Variants in TCTN2 observed in about 807,000 individuals in gnomAD.
TCTN2 encodes the protein tectonic-2.
In TCTN2, 66 loss-of-function variants were observed where a neutral mutation model predicts 83.4. The observed-to-expected ratio is 0.79, with a 90% CI of 0.65 to 0.97. The LOEUF is 0.97. Among genes scored for constraint, TCTN2 ranks in the 50% least tolerant of loss-of-function variants. TCTN2 has a pLI of 0.00. For synonymous variants in TCTN2, 301 were observed against 326.7 expected, an observed-to-expected ratio of 0.92 and a Z score of 0.85; for missense variants, 794 against 858.1, an observed-to-expected ratio of 0.93 and a Z score of 0.93.
At chr12:123,681,021 C>T (rs1955893259) in intron 5 of TCTN2, among the ~76,000 whole-genome samples, 1 of 151,950 alleles carries the variant, frequency 6.6e-6, no homozygotes, top group South Asian at 2.1e-4. Flanking sequence ...GTAATCCCAG[C>T]ACTTTGGGAG....
In TCTN2 at chr12:123,692,648, A is replaced by G; in HGVS notation, c.1034-10A>G. On this transcript the variant is annotated splice_polypyrimidine_tract_variant and intron_variant, in intron 8 of 17. Transcript: ENST00000303372. ...ACGCCTGTGGAAGTTAATTTATGTT[A>G]TCTCTTTAGGCATAGTTACACCAAA... 1.2e-6 allele frequency: 2 copies of G among 1,608,962 alleles called. No individual in the cohort carries two copies. The highest frequency in any genetic ancestry group is 1.7e-6 in the Non-Finnish European group (2 of 1,175,386).
chr12:123,679,698 G>A (rs1955869921), intron 5 of TCTN2, among the ~76,000 whole-genome samples: 1 of 149,628 alleles, frequency 6.7e-6, no homozygotes, highest in South Asian at 2.1e-4. Flanking sequence ...TTCCAAAACT[G>A]AGATTATGTT....
At chr12:123,705,451 G>A (rs565150427) in intron 15 of TCTN2, among the ~76,000 whole-genome samples, 13 of 152,202 alleles carry the variant, frequency 8.5e-5, no homozygotes, top group East Asian at 1.9e-4. Context: ...ATGAGCCACC[G>A]CGCCCAGCCT....
intron 5 of TCTN2, among the ~76,000 whole-genome samples, chr12:123,685,630 G>A (rs2135832329): frequency 6.6e-6 from 1 of 151,606 alleles, no homozygotes; most frequent in South Asian, 2.1e-4. Context: ...TGTTGGCCAG[G>A]CTGGTTTTGA....
intron 5 of TCTN2, among the ~76,000 whole-genome samples, chr12:123,680,352 CA>C (rs550243428): frequency 2.1e-3 from 226 of 109,042 alleles, no homozygotes; most frequent in Admixed American, 4.5e-3. Context: ...AACTCCGTTT[CA>C]AAAAAAAAAA....
intron 6 of TCTN2, among the ~76,000 whole-genome samples, chr12:123,687,618 C>T (rs1483374690): frequency 6.6e-6 from 1 of 152,076 alleles, no homozygotes; most frequent in African/African-American, 2.4e-5. Flanking sequence ...CGCCACTGCA[C>T]TCCAGCCTGG....
At chr12:123,679,157 A>C (rs1955862522) in intron 4 of TCTN2, 32 bp from the exon 5 acceptor site, 1 of 1,553,674 alleles carries the variant, frequency 6.4e-7, no homozygotes, top group Non-Finnish European at 8.9e-7. Flanking sequence ...AATGTTTCTT[A>C]GCTGAATTTT....
At chr12:123,681,262 AAAAG>A (rs367610466) in intron 5 of TCTN2, among the ~76,000 whole-genome samples, 33 of 151,750 alleles carry the variant, frequency 2.2e-4, no homozygotes, top group East Asian at 1.5e-3. Context: ...CTTTCAAAAA[AAAAG>A]AAAGAAAGAA....
Position 123,688,146 on chromosome 12 carries a change from C to G in TCTN2, c.860C>G (p.Thr287Ser). ...TACAAACAAGGAGATCCCATTATGA[C>G]TGTAAAGAAGGCATATTTTACTATT... ...FGYKQGDPIMTVKKAYFTIPQ... is the reference protein window; with the variant it reads ...FGYKQGDPIMSVKKAYFTIPQ... The change falls in exon 7 of 18, where the codon ACT (threonine) becomes AGT (serine). Residue 287 changes from threonine (T) to serine (S), a missense_variant. Thr to Ser is a moderately conservative substitution (Grantham distance 58). Transcript: ENST00000303372. The G allele has an allele frequency of 1.2e-6, 2 of 1,613,168 alleles. No homozygotes were observed. The highest frequency in any genetic ancestry group is 8.5e-7 in the Non-Finnish European group (1 of 1,179,564).
In TCTN2 at chr12:123,699,701, C is replaced by T; in HGVS notation, c.1506-3C>T. On this transcript the variant is annotated splice_polypyrimidine_tract_variant and splice_region_variant and intron_variant, in intron 13 of 17. Transcript: ENST00000303372. ...AGCTGAGAAATGTCTTACTCTCTTG[C>T]AGGGAGAATGCTGTTGAAAGACTTG... 2 of 1,611,676 alleles carry T rather than the reference C, an allele frequency of 1.2e-6. No homozygotes were observed. Among genetic ancestry groups the T allele is most frequent in the East Asian group, 2.2e-5 (1 of 44,868 alleles).
intron 7 of TCTN2, among the ~76,000 whole-genome samples, chr12:123,689,372 A>G (rs1956014929): frequency 6.6e-6 from 1 of 152,066 alleles, no homozygotes; most frequent in African/African-American, 2.4e-5. Context: ...TTTTCTGTAG[A>G]GATGGGGGTT....
At position 123,671,207 on chromosome 12, in the gene TCTN2, G is replaced by A; in HGVS notation, c.-34G>A. On this transcript the variant is annotated 5_prime_UTR_variant, in exon 1 of 18. Transcript: ENST00000303372. Reference sequence around the variant, plus strand: ...CCTTCCTGGGTTCTAATGAGGGCGCGGTTCTGCTGTGCCCGGCCCGCGAGG... The same window carrying A: ...CCTTCCTGGGTTCTAATGAGGGCGCAGTTCTGCTGTGCCCGGCCCGCGAGG... The A allele has an allele frequency of 6.3e-7, 1 of 1,597,470 alleles. No homozygotes were observed. The highest frequency in any genetic ancestry group is 1.3e-5 in the African/African-American group (1 of 74,744).
chr12:123,673,973 G>C (rs947751526), intron 4 of TCTN2, among the ~76,000 whole-genome samples, 163 bp downstream of exon 4: 1 of 152,098 alleles, frequency 6.6e-6, no homozygotes, highest in East Asian at 1.9e-4. Flanking sequence ...GTTCCAGCCA[G>C]GGTGACAGAG....
intron 7 of TCTN2, 104 bp downstream of exon 7, chr12:123,688,281 T>G: frequency 7.0e-7 from 1 of 1,435,038 alleles, no homozygotes; most frequent in Non-Finnish European, 9.4e-7. Flanking sequence ...CAGTGCCAGA[T>G]CTCGGCTCAC....
intron 5 of TCTN2, among the ~76,000 whole-genome samples, chr12:123,685,935 TGCCTAG>T (rs1211485104): frequency 1.3e-5 from 2 of 151,442 alleles, no homozygotes; most frequent in African/African-American, 4.9e-5. Context: ...CTCTCTATGT[TGCCTAG>T]GCTGGTCTCA....
At chr12:123,698,451 T>G (rs919923379) in intron 13 of TCTN2, among the ~76,000 whole-genome samples, 6 of 152,098 alleles carry the variant, frequency 3.9e-5, no homozygotes, top group Non-Finnish European at 7.4e-5. Flanking sequence ...TTTGGCTTGT[T>G]TTTTGAGACA....
chr12:123,692,332 C>G (rs558273605), intron 8 of TCTN2, among the ~76,000 whole-genome samples: 1 of 152,164 alleles, frequency 6.6e-6, no homozygotes, highest in African/African-American at 2.4e-5. Flanking sequence ...GGCGTGAGCC[C>G]CTGCGCCTGG....
chr12:123,692,676 T>G lies in TCTN2; in HGVS notation c.1052T>G (p.Val351Gly). 6.2e-7 allele frequency: 1 copy of G among 1,613,510 alleles called. No homozygotes were observed. The highest frequency in any genetic ancestry group is 8.5e-7 in the Non-Finnish European group (1 of 1,179,460). ...VALGGIVTPK[V>G]IYEEATDLDK... ...TCTTTAGGCATAGTTACACCAAAAG[T>G]GATCTATGAGGAAGCAACTGACCTA... Residue 351 changes from valine to glycine, a missense_variant, in exon 9 of 18, where the codon GTG becomes GGG. Coordinates refer to ENST00000303372, the MANE Select transcript of TCTN2 (RefSeq NM_024809.5).
chr12:123,693,437 T>C lies in TCTN2; in HGVS notation c.1099+714T>C, dbSNP rs142180624. Among the ~76,000 whole-genome samples the C allele has an allele frequency of 2.8e-3, 412 of 144,602 alleles. 2 individuals carry two copies. The highest frequency in any genetic ancestry group is 9.9e-3 in the African/African-American group (374 of 37,936). The allele number at this position is 144,602 out of a possible 152,430, so 94.9% of individuals were successfully genotyped here. A position where few individuals can be genotyped will look rare whatever the true frequency, so the allele number is the denominator to read the frequency against. ...CCAATTGTGATGCAGCCAAATAAGT[T>C]ACGTAGAGTTTGGCAGATTTTTTTT... On this transcript the variant is annotated intron_variant, in intron 9 of 17. Coordinates refer to ENST00000303372, the MANE Select transcript of TCTN2 (RefSeq NM_024809.5).
Sources: gnomAD v4.1 joint callset for allele counts (sites outside exome capture counted in the v4.1 genomes callset) on GRCh38, gnomAD v4.1.1 for gene constraint, MANE v1.5 for transcripts, NCBI Gene and HGNC (gene_info 2026-07-23, HGNC 2026-07-21) for gene names.